ATP11B: variants seen among roughly 807,000 people sequenced by gnomAD.
The protein encoded by ATP11B is phospholipid-transporting ATPase IF.
ATP11B carries 81 observed loss-of-function variants against 157.8 expected under a neutral mutation model. That is an observed-to-expected ratio of 0.51 (90% CI 0.43 to 0.62). The LOEUF (loss-of-function observed/expected upper bound fraction) is 0.62. Among genes scored for constraint, ATP11B ranks in the 20% least tolerant of loss-of-function variants. The pLI is 0.00. For synonymous variants in ATP11B, 451 were observed against 469.4 expected, an observed-to-expected ratio of 0.96 and a Z score of 0.51; for missense variants, 1,165 against 1,402.2, an observed-to-expected ratio of 0.83 and a Z score of 2.70.
chr3:182,906,525 C>A (rs7615437), intron 28 of ATP11B, among the ~76,000 whole-genome samples: 8,376 of 152,142 alleles, frequency 0.055, 778 homozygotes, highest in African/African-American at 0.19. Context: ...CTCACTGCAG[C>A]CTCGACCTCC....
chr3:182,811,982 G>A (rs183428012), intron 1 of ATP11B, among the ~76,000 whole-genome samples: 190 of 152,158 alleles, frequency 1.2e-3, no homozygotes, highest in African/African-American at 3.9e-3. Flanking sequence ...GGTTTCCAGC[G>A]TGTAAAATTA....
At chr3:182,880,639 C>G (rs545759763) in intron 20 of ATP11B, among the ~76,000 whole-genome samples, 1 of 152,010 alleles carries the variant, frequency 6.6e-6, no homozygotes, top group Non-Finnish European at 1.5e-5. Flanking sequence ...TTAAAAGATT[C>G]TTGTTTCTCA....
intron 21 of ATP11B, among the ~76,000 whole-genome samples, chr3:182,882,507 G>GA (rs745824796): frequency 3.5e-4 from 50 of 144,436 alleles, no homozygotes; most frequent in Admixed American, 4.8e-4. Flanking sequence ...TTAGTGATTT[G>GA]AAAAAAAAAA....
intron 13 of ATP11B, 145 bp downstream of exon 13, chr3:182,865,843 TATA>T: frequency 2.9e-6 from 2 of 688,074 alleles, no homozygotes; most frequent in African/African-American, 1.8e-5. Context: ...CAATATAAAA[TATA>T]ATCCTAAGAA....
At chr3:182,910,107 C>CT (rs1189845992) in intron 28 of ATP11B, among the ~76,000 whole-genome samples, 49 of 140,148 alleles carry the variant, frequency 3.5e-4, no homozygotes, top group African/African-American at 1.2e-3. Flanking sequence ...CAGCTGAGTT[C>CT]TTTTTTTTCT....
chr3:182,868,328 A>G (rs6800358), intron 15 of ATP11B, among the ~76,000 whole-genome samples: 2,463 of 148,428 alleles, frequency 0.017, 69 homozygotes, highest in African/African-American at 0.058. Context: ...TGCTTTTCCA[A>G]ACTATGCTTT....
At chr3:182,838,680 A>G (rs531501156) in intron 7 of ATP11B, among the ~76,000 whole-genome samples, 3 of 152,074 alleles carry the variant, frequency 2.0e-5, no homozygotes, top group African/African-American at 7.2e-5. Flanking sequence ...GATGAAAAGG[A>G]ATAGTTTCCC....
intron 22 of ATP11B, among the ~76,000 whole-genome samples, chr3:182,885,270 G>A (rs2055763): frequency 0.13 from 20,453 of 152,080 alleles, 1,641 homozygotes; most frequent in African/African-American, 0.23. Context: ...TGCATAAAAT[G>A]AAATACATAG....
At chr3:182,810,659 T>TG (rs1386746021) in intron 1 of ATP11B, among the ~76,000 whole-genome samples, 1 of 152,226 alleles carries the variant, frequency 6.6e-6, no homozygotes, top group Non-Finnish European at 1.5e-5. Context: ...GCGTTTTTTG[T>TG]GCTGCTACTG....
At chr3:182,845,253 C>G (rs769688969) in intron 8 of ATP11B, among the ~76,000 whole-genome samples, 4 of 152,082 alleles carry the variant, frequency 2.6e-5, no homozygotes, top group Non-Finnish European at 5.9e-5. Context: ...GCAATCCACC[C>G]GCCTCAGCTT....
At chr3:182,878,648 C>T (rs1019508220) in intron 19 of ATP11B, among the ~76,000 whole-genome samples, 2 of 152,180 alleles carry the variant, frequency 1.3e-5, no homozygotes, top group Non-Finnish European at 2.9e-5. Flanking sequence ...GTAGCACCTA[C>T]GTAGCATATG....
intron 7 of ATP11B, among the ~76,000 whole-genome samples, chr3:182,840,906 C>A (rs1157814237): frequency 6.6e-6 from 1 of 151,982 alleles, no homozygotes; most frequent in Admixed American, 6.5e-5. Flanking sequence ...TGTGACTCTT[C>A]TGCTTAACCC....
chr3:182,912,638 T>G (rs1316569966), intron 28 of ATP11B, among the ~76,000 whole-genome samples: 2 of 152,236 alleles, frequency 1.3e-5, no homozygotes, highest in African/African-American at 4.8e-5. Context: ...TGTTTCACAC[T>G]GTGTGGTGTT....
chr3:182,807,642 A>G (rs1716404038), intron 1 of ATP11B, among the ~76,000 whole-genome samples: 1 of 152,176 alleles, frequency 6.6e-6, no homozygotes, highest in Non-Finnish European at 1.5e-5. Context: ...ATTTTTAATA[A>G]TAGCTTTTAT....
At chr3:182,890,236 A>C (rs1459923138) in intron 25 of ATP11B, among the ~76,000 whole-genome samples, 1 of 152,202 alleles carries the variant, frequency 6.6e-6, no homozygotes, top group Non-Finnish European at 1.5e-5. Context: ...GTTAGGAAGG[A>C]AAGAAATGAC....
intron 25 of ATP11B, among the ~76,000 whole-genome samples, chr3:182,892,592 G>T (rs1723249824): frequency 6.6e-6 from 1 of 152,084 alleles, no homozygotes; most frequent in African/African-American, 2.4e-5. Flanking sequence ...TTGTATTAGG[G>T]TCTAGCAATT....
intron 2 of ATP11B, among the ~76,000 whole-genome samples, chr3:182,822,012 C>T (rs1288264965): frequency 6.6e-6 from 1 of 152,124 alleles, no homozygotes; most frequent in Admixed American, 6.6e-5. Flanking sequence ...CCCTTAGTGC[C>T]ATCTCTCGTT....
intron 19 of ATP11B, 31 bp from the exon 20 acceptor site, chr3:182,879,465 T>C: frequency 1.9e-6 from 3 of 1,562,476 alleles, no homozygotes; most frequent in Admixed American, 3.9e-5. Flanking sequence ...TCAAAGTATC[T>C]TACAGAGAAT....
intron 1 of ATP11B, among the ~76,000 whole-genome samples, chr3:182,807,848 TG>T (rs1341315730): frequency 6.6e-6 from 1 of 152,164 alleles, no homozygotes; most frequent in African/African-American, 2.4e-5. Flanking sequence ...GGGAGGGGCG[TG>T]GTTTTCTCAT....
Sources: gnomAD v4.1 joint callset for allele counts (sites outside exome capture counted in the v4.1 genomes callset) on GRCh38, gnomAD v4.1.1 for gene constraint, MANE v1.5 for transcripts, NCBI Gene and HGNC (gene_info 2026-07-23, HGNC 2026-07-21) for gene names.